Variants in TMCO5A observed in about 807,000 individuals in gnomAD.
The protein encoded by TMCO5A is transmembrane and coiled-coil domains 5A.
In TMCO5A, 34 loss-of-function variants were observed where a neutral mutation model predicts 42.3. The observed-to-expected ratio is 0.80, with a 90% CI of 0.61 to 1.07. TMCO5A has a LOEUF of 1.07. TMCO5A is among the 50% of genes least tolerant of loss of function. TMCO5A has a pLI of 0.00. For synonymous variants in TMCO5A, 131 were observed against 115.6 expected (o/e 1.13, Z -0.86); for missense variants, 357 against 327.9 (o/e 1.09, Z -0.69).
chr15:37,996,502 A>G, the TMCO5A span, among the ~76,000 whole-genome samples: 4 of 152,204 alleles, frequency 2.6e-5, no homozygotes, highest in Non-Finnish European at 5.9e-5. Context: ...TCTTCTTTTT[A>G]TGGAATTTAG....
At chr15:37,964,724 T>C (rs1281471448) in intron 11 of TMCO5A, among the ~76,000 whole-genome samples, 1 of 152,026 alleles carries the variant, frequency 6.6e-6, no homozygotes, top group South Asian at 2.1e-4. Flanking sequence ...AAGAACTTTA[T>C]AATGAAAAAT....
downstream of TMCO5A, among the ~76,000 whole-genome samples, chr15:37,970,390 C>A (rs970327381): frequency 1.3e-5 from 2 of 152,198 alleles, no homozygotes; most frequent in African/African-American, 4.8e-5. Context: ...GACCTGCCCC[C>A]ATGATTCAAC....
At chr15:37,991,182 G>A in the TMCO5A span, among the ~76,000 whole-genome samples, 518 of 152,156 alleles carry the variant, frequency 3.4e-3, 4 homozygotes, top group African/African-American at 0.012. Flanking sequence ...ATTTACCTTT[G>A]CTGAGATCTT....
intron 11 of TMCO5A, among the ~76,000 whole-genome samples, chr15:37,956,864 C>A (rs996796972): frequency 2.6e-5 from 4 of 152,142 alleles, no homozygotes; most frequent in Non-Finnish European, 5.9e-5. Flanking sequence ...AAACCAAATC[C>A]AGCAGCATAT....
intron 10 of TMCO5A, among the ~76,000 whole-genome samples, chr15:37,946,888 T>C (rs541609143): frequency 5.9e-5 from 9 of 152,276 alleles, no homozygotes; most frequent in African/African-American, 2.2e-4. Flanking sequence ...TCCAATGCTA[T>C]GTTGAATAGG....
chr15:38,029,134 G>T, the TMCO5A span, among the ~76,000 whole-genome samples: 1 of 152,066 alleles, frequency 6.6e-6, no homozygotes, highest in Non-Finnish European at 1.5e-5. Context: ...AAGGCCAGTG[G>T]GAGTAGTGAT....
chr15:37,983,934 T>C, the TMCO5A span, among the ~76,000 whole-genome samples: 1 of 152,100 alleles, frequency 6.6e-6, no homozygotes, highest in African/African-American at 2.4e-5. Flanking sequence ...GGTTTCACCA[T>C]GTTGGTCAGG....
chr15:37,982,570 ATTAT>A, the TMCO5A span, among the ~76,000 whole-genome samples: 819 of 140,840 alleles, frequency 5.8e-3, 13 homozygotes, highest in African/African-American at 0.021. Context: ...TTGTTTATAT[ATTAT>A]TTAATATATT....
the TMCO5A span, among the ~76,000 whole-genome samples, chr15:38,008,173 G>A: frequency 1.3e-5 from 2 of 151,516 alleles, no homozygotes; most frequent in Non-Finnish European, 2.9e-5. Context: ...GAGATTACAG[G>A]CGTGAGCCAC....
chr15:38,019,210 A>G, the TMCO5A span, among the ~76,000 whole-genome samples: 4 of 152,188 alleles, frequency 2.6e-5, no homozygotes, highest in Non-Finnish European at 5.9e-5. Context: ...AAATGATTGC[A>G]GATAATGTTG....
intron 2 of TMCO5A, 132 bp from the exon 3 acceptor site, chr15:37,936,182 A>G (rs1889503195): frequency 9.7e-7 from 1 of 1,026,372 alleles, no homozygotes; most frequent in African/African-American, 1.7e-5. Context: ...TAATTTTTCA[A>G]GAATGAAAAT....
chr15:37,983,921 C>T, the TMCO5A span, among the ~76,000 whole-genome samples: 7 of 151,912 alleles, frequency 4.6e-5, no homozygotes, highest in African/African-American at 7.3e-5. Flanking sequence ...GACGTAGAGA[C>T]GGGGTTTCAC....
In TMCO5A at chr15:37,947,697, G is replaced by A. The variant is rs780995013; in HGVS notation, c.668+1G>A. The A allele has an allele frequency of 5.0e-6, 8 of 1,592,304 alleles. No homozygotes were observed. Among genetic ancestry groups the A allele is most frequent in the Non-Finnish European group, 6.9e-6 (8 of 1,164,338 alleles). ...AGACAGCAAGATTATTCAGTAAAAAGTAAGTAAAATATCTTCAGGTAAACT... is the reference window on the plus strand; with the variant it reads ...AGACAGCAAGATTATTCAGTAAAAAATAAGTAAAATATCTTCAGGTAAACT... On this transcript the variant is annotated splice_donor_variant, in intron 11 of 11. Coordinates refer to ENST00000319669, the MANE Select transcript of TMCO5A (RefSeq NM_152453.4). LOFTEE classifies it high-confidence loss of function.
At chr15:38,020,512 C>G in the TMCO5A span, 1 of 152,098 alleles carries the variant, frequency 6.6e-6, no homozygotes, top group Admixed American at 6.5e-5. Context: ...GCACTTGGTA[C>G]CACCCAAGGG....
At chr15:37,952,041 C>T (rs1263803937), downstream of TMCO5A, among the ~76,000 whole-genome samples, 1 of 152,128 alleles carries the variant, frequency 6.6e-6, no homozygotes, top group Admixed American at 6.5e-5. Context: ...CTGACACCTG[C>T]CCACAGAGGG....
downstream of TMCO5A, among the ~76,000 whole-genome samples, chr15:37,951,953 G>C (rs886862015): frequency 6.6e-5 from 10 of 152,082 alleles, no homozygotes; most frequent in East Asian, 1.9e-3. Flanking sequence ...GGTGAGGAGA[G>C]AAAGACTGCA....
chr15:37,956,422 C>A (rs1486459451), downstream of TMCO5A, among the ~76,000 whole-genome samples: 1 of 152,106 alleles, frequency 6.6e-6, no homozygotes, highest in African/African-American at 2.4e-5. Flanking sequence ...CACCACTGAT[C>A]CCACAGAAAT....
chr15:37,951,558 T>A (rs1890158946), downstream of TMCO5A: 1 of 260,644 alleles, frequency 3.8e-6, no homozygotes, highest in Admixed American at 5.3e-5. Context: ...CACACTGGAT[T>A]CCTGAAATAC....
At chr15:38,009,979 A>G in the TMCO5A span, among the ~76,000 whole-genome samples, 1 of 152,202 alleles carries the variant, frequency 6.6e-6, no homozygotes, top group Non-Finnish European at 1.5e-5. Flanking sequence ...ATATAGAACA[A>G]GCACCTCTGC....
Sources: allele counts gnomAD v4.1 joint callset (sites outside exome capture counted in the v4.1 genomes callset), GRCh38; gene constraint gnomAD v4.1.1; transcripts MANE v1.5; gene names NCBI Gene and HGNC (gene_info 2026-07-23, HGNC 2026-07-21).